The following ATAD2B variants were observed in gnomAD, a reference collection of about 807,000 sequenced individuals.
The protein encoded by ATAD2B is ATPase family AAA domain containing 2B.
Under a neutral mutation model 167.6 loss-of-function variants are expected in ATAD2B, and 40 were observed. The ratio of observed to expected loss-of-function variants is 0.24; its 90% CI spans 0.19 to 0.31. ATAD2B has a LOEUF of 0.31. Among genes scored for constraint, ATAD2B ranks in the 10% least tolerant of loss-of-function variants. ATAD2B has a pLI of 1.00. For synonymous variants in ATAD2B, 579 were observed against 596.5 expected (o/e 0.97, Z 0.43); for missense variants, 1,242 against 1,757.2 (o/e 0.71, Z 5.24).
the ATAD2B span, among the ~76,000 whole-genome samples, chr2:23,741,636 G>T: frequency 1.7e-3 from 265 of 152,292 alleles, no homozygotes; most frequent in African/African-American, 5.7e-3. Context: ...TCAGGACATA[G>T]GCATGGGCAA....
intron 6 of ATAD2B, among the ~76,000 whole-genome samples, chr2:23,882,547 G>T (rs1395029870): frequency 2.0e-5 from 3 of 149,236 alleles, no homozygotes; most frequent in African/African-American, 7.4e-5. Context: ...AGTGGCTCAT[G>T]CCTATAATCC....
chr2:23,835,959 C>T (rs1689876796), intron 13 of ATAD2B, among the ~76,000 whole-genome samples: 1 of 151,628 alleles, frequency 6.6e-6, no homozygotes, highest in South Asian at 2.1e-4. Context: ...AATGAGTGAA[C>T]TGTACAGCTC....
At chr2:23,883,959 C>A (rs183208182) in intron 6 of ATAD2B, among the ~76,000 whole-genome samples, 56 of 152,112 alleles carry the variant, frequency 3.7e-4, no homozygotes, top group Non-Finnish European at 6.5e-4. Flanking sequence ...GCCTGGCCAA[C>A]AAGGCAAAAA....
intron 1 of ATAD2B, among the ~76,000 whole-genome samples, chr2:23,914,592 C>A (rs1702764689): frequency 6.6e-6 from 1 of 152,146 alleles, no homozygotes. Flanking sequence ...GTAATCCCAG[C>A]ACTTTGGTAG....
chr2:23,805,851 T>A (rs1684308849), intron 18 of ATAD2B, among the ~76,000 whole-genome samples: 1 of 150,552 alleles, frequency 6.6e-6, no homozygotes, highest in African/African-American at 2.5e-5. Flanking sequence ...GCTTAGAATC[T>A]TTTCACATTT....
chr2:23,778,647 T>C (rs921134076), intron 22 of ATAD2B, among the ~76,000 whole-genome samples: 1 of 152,228 alleles, frequency 6.6e-6, no homozygotes, highest in African/African-American at 2.4e-5. Context: ...GCTAAAGGCT[T>C]AAGATATTTA....
In ATAD2B at chr2:23,752,014, T is replaced by C. The variant is rs762432837; in HGVS notation, c.*32A>G. The C allele has an allele frequency of 1.6e-5, 24 of 1,517,880 alleles. No individual in the cohort carries two copies. Among genetic ancestry groups the C allele is most frequent in the Non-Finnish European group, 2.0e-5 (22 of 1,113,670 alleles). The allele number at this position is 1,517,880 out of a possible 1,614,324, so 94.0% of individuals were successfully genotyped here. ...AGAAGACTGCTCTGTGAGGAGCAGA[T>C]TGGAGAGGATAAACCACTCATCTTG... On this transcript the variant is annotated 3_prime_UTR_variant, in exon 28 of 28. Transcript: ENST00000238789.
At position 23,926,610 on chromosome 2, in the gene ATAD2B, G is replaced by A. The variant is rs867076616; in HGVS notation, c.161C>T (p.Pro54Leu). 1.3e-5 allele frequency: 20 copies of A among 1,564,376 alleles called. No individual in the cohort carries two copies. Among genetic ancestry groups the A allele is most frequent in the Non-Finnish European group, 1.6e-5 (19 of 1,156,124 alleles). ...ACCGCTTCCCCCGGCTTTGGCGGCG[G>A]GGCAGCTGGCGGCGCGGGTCTTGGA... ...RSSKTRAASC[P>L]AAKAGGSGGA... The change falls in exon 1 of 28, where the codon CCC (proline) becomes CTC (leucine). Residue 54 changes from proline to leucine, a missense_variant. Around this residue, in one of 9 missense-constraint regions of ATAD2B, gnomAD observed 199 missense variants for 194.9 expected, o/e 1.02. Coordinates refer to ENST00000238789, the MANE Select transcript of ATAD2B (RefSeq NM_017552.4).
the ATAD2B span, among the ~76,000 whole-genome samples, chr2:23,709,035 CTTTT>C: frequency 6.6e-6 from 1 of 151,978 alleles, no homozygotes; most frequent in African/African-American, 2.4e-5. Context: ...CTTTTCTTTT[CTTTT>C]CTTTTTTTCT....
chr2:23,796,547 G>A (rs997603296), intron 19 of ATAD2B, among the ~76,000 whole-genome samples: 2 of 152,152 alleles, frequency 1.3e-5, no homozygotes, highest in African/African-American at 2.4e-5. Context: ...AAACAATATA[G>A]AGGGAAATTT....
chr2:23,792,970 A>AT (rs1313176229), intron 19 of ATAD2B, among the ~76,000 whole-genome samples: 1 of 149,402 alleles, frequency 6.7e-6, no homozygotes, highest in Non-Finnish European at 1.5e-5. Context: ...CTCAAAAAAA[A>AT]AAAAAAAAAA....
chr2:23,697,678 G>A, the ATAD2B span: 1 of 152,154 alleles, frequency 6.6e-6, no homozygotes, highest in Admixed American at 6.5e-5. Context: ...CCCAAGTAGA[G>A]CCCAGAGATG....
chr2:23,777,006 G>A (rs918238070), intron 22 of ATAD2B, among the ~76,000 whole-genome samples: 2 of 152,088 alleles, frequency 1.3e-5, no homozygotes, highest in African/African-American at 4.8e-5. Context: ...TAATTAAAAT[G>A]AGGACATATG....
chr2:23,811,629 G>C (rs1418036168), intron 17 of ATAD2B, among the ~76,000 whole-genome samples: 2 of 152,118 alleles, frequency 1.3e-5, no homozygotes, highest in Admixed American at 1.3e-4. Flanking sequence ...GATAGCATTA[G>C]GAGAAATACC....
intron 21 of ATAD2B, among the ~76,000 whole-genome samples, chr2:23,785,500 G>A (rs938786669): frequency 2.6e-5 from 4 of 152,056 alleles, no homozygotes. Context: ...TTTCCACTGG[G>A]AGCAGAGAAA....
intron 1 of ATAD2B, among the ~76,000 whole-genome samples, chr2:23,898,860 T>G (rs1700443567): frequency 6.6e-6 from 1 of 151,618 alleles, no homozygotes; most frequent in African/African-American, 2.4e-5. Context: ...AAAATAAAAA[T>G]TAGTTAAGTC....
At chr2:23,712,034 CA>C in the ATAD2B span, among the ~76,000 whole-genome samples, 4 of 152,308 alleles carry the variant, frequency 2.6e-5, no homozygotes, top group East Asian at 3.9e-4. Context: ...GCTCTCTGTA[CA>C]CTGTTGAGTT....
At chr2:23,817,320 A>G (rs1180506884) in intron 17 of ATAD2B, among the ~76,000 whole-genome samples, 5 of 152,222 alleles carry the variant, frequency 3.3e-5, no homozygotes, top group Admixed American at 1.3e-4. Context: ...TTCCTCATCT[A>G]TAAAATGAAG....
intron 12 of ATAD2B, among the ~76,000 whole-genome samples, chr2:23,861,203 G>C (rs1325195565): frequency 6.7e-6 from 1 of 149,584 alleles, no homozygotes; most frequent in Non-Finnish European, 1.5e-5. Flanking sequence ...AGGAGGTAGG[G>C]CATATTACGT....
Sources: allele counts gnomAD v4.1 joint callset (sites outside exome capture counted in the v4.1 genomes callset), GRCh38; gene constraint gnomAD v4.1.1; regional missense constraint gnomAD v4.1.1; transcripts MANE v1.5; gene names NCBI Gene and HGNC (gene_info 2026-07-23, HGNC 2026-07-21).